The following EGFL7 variants were observed in gnomAD, a reference collection of about 807,000 sequenced individuals.
EGFL7 encodes epidermal growth factor-like protein 7.
A neutral mutation model predicts 37.1 loss-of-function variants in EGFL7; 48 were observed. That is an observed-to-expected ratio of 1.29 (90% CI 1.03 to 1.65). The LOEUF (loss-of-function observed/expected upper bound fraction) is 1.65, where lower values mean the gene tolerates loss of function less well. Among genes scored for constraint, EGFL7 ranks in the 40% most tolerant of loss-of-function variants. EGFL7 has a pLI of 0.00. For synonymous variants in EGFL7, 180 were observed against 156.8 expected (o/e 1.15, Z -1.10); for missense variants, 384 against 378.9 (o/e 1.01, Z -0.11).
upstream of EGFL7, among the ~76,000 whole-genome samples, chr9:136,661,132 C>A (rs575344913): frequency 3.5e-4 from 53 of 152,266 alleles, no homozygotes; most frequent in African/African-American, 1.3e-3. Context: ...AAGGCTTGGC[C>A]CGCTGGGGGC....
intron 8 of EGFL7, chr9:136,670,639 G>GTGACA: frequency 1.3e-6 from 1 of 772,726 alleles, no homozygotes; most frequent in Non-Finnish European, 2.4e-6. Context: ...GGTACGCGCT[G>GTGACA]TGACACTTCA....
intron 3 of EGFL7, among the ~76,000 whole-genome samples, chr9:136,667,925 G>A (rs531989256): frequency 6.6e-6 from 1 of 152,300 alleles, no homozygotes; most frequent in South Asian, 2.1e-4. Context: ...ACGGCCACCC[G>A]TAGCTGGAGC....
At chr9:136,667,177 C>A (rs1845533095) in intron 3 of EGFL7, among the ~76,000 whole-genome samples, 1 of 152,214 alleles carries the variant, frequency 6.6e-6, no homozygotes, top group Non-Finnish European at 1.5e-5. Flanking sequence ...GCTGTCAGAG[C>A]TGAGGAGGGG....
chr9:136,670,236 C>G lies in EGFL7; in HGVS notation c.477C>G (p.Tyr159Ter), dbSNP rs760569517. Reference protein sequence around the residue: ...PQRCVNTAGSYWCQCWEGHSL... With the variant: ...PQRCVNTAGS ...GCTGCGTCAACACCGCCGGCAGTTA[C>G]TGGTGCCAGTGTTGGGAGGGGCACA... The change falls in exon 8 of 11, where the codon TAC becomes TAG. Residue 159 changes from tyrosine (Y) to a stop codon, truncating the protein, a stop_gained. Coordinates refer to ENST00000308874, the MANE Select transcript of EGFL7 (RefSeq NM_016215.5). LOFTEE classifies it high-confidence loss of function. 1.9e-6 allele frequency: 3 copies of G among 1,612,606 alleles called. No individual in the cohort carries two copies. In the South Asian group the frequency reaches 3.3e-5, roughly 18 times the overall value.
chr9:136,670,045 G>T, intron 7 of EGFL7, 36 bp downstream of exon 7: 1 of 1,588,710 alleles, frequency 6.3e-7, no homozygotes. Context: ...CCCTGGAAGG[G>T]TCCTGGGCAC....
intron 3 of EGFL7, chr9:136,665,915 C>A (rs1040366315): frequency 2.1e-4 from 31 of 146,236 alleles, no homozygotes; most frequent in African/African-American, 7.3e-4. Context: ...GGGCGGGGAA[C>A]CTGGCCGCGC....
At chr9:136,667,121 G>C (rs1845529551) in intron 3 of EGFL7, among the ~76,000 whole-genome samples, 1 of 152,226 alleles carries the variant, frequency 6.6e-6, no homozygotes, top group African/African-American at 2.4e-5. Flanking sequence ...CACCCAGTGG[G>C]GCTGGCCAGC....
At position 136,668,552 on chromosome 9, in the gene EGFL7, C is replaced by G. The variant is rs200785608; in HGVS notation, c.81-5C>G. 6.8e-5 allele frequency: 109 copies of G among 1,607,804 alleles called. 2 individuals are homozygous for G. Among genetic ancestry groups the G allele is most frequent in the Admixed American group, 4.3e-4 (26 of 59,978 alleles). Reference sequence around the variant, plus strand: ...CCTGGGCTGACCCCCTCTCCACCCCCGCAGCCGTAGGGTGTGTGCTGTCCG... The same window carrying G: ...CCTGGGCTGACCCCCTCTCCACCCCGGCAGCCGTAGGGTGTGTGCTGTCCG... On this transcript the variant is annotated splice_polypyrimidine_tract_variant and splice_region_variant and intron_variant, in intron 4 of 10. Transcript: ENST00000308874.
chr9:136,671,805 G>A (rs1227416681), intron 9 of EGFL7, 121 bp from the exon 10 acceptor site: 3 of 1,315,808 alleles, frequency 2.3e-6, no homozygotes, highest in Non-Finnish European at 3.0e-6. Context: ...GACACTTGGA[G>A]CCCTGCCGCG....
chr9:136,667,340 C>A (rs555330523), intron 3 of EGFL7, among the ~76,000 whole-genome samples: 2 of 152,354 alleles, frequency 1.3e-5, no homozygotes, highest in Admixed American at 1.3e-4. Context: ...GGGAAGCACC[C>A]GTGAGAGGCC....
intron 2 of EGFL7, among the ~76,000 whole-genome samples, chr9:136,664,183 G>C (rs1175207382): frequency 6.6e-6 from 1 of 152,216 alleles, no homozygotes; most frequent in East Asian, 1.9e-4. Flanking sequence ...GACAGCAGCT[G>C]CTCTGGTCGT....
Position 136,671,021 on chromosome 9 carries a change from CATTGGTGGGGGGGGGGGGGGG to C in EGFL7, c.636+8_636+28del. On this transcript the variant is annotated splice_region_variant and intron_variant, in intron 9 of 10. Coordinates refer to ENST00000308874, the MANE Select transcript of EGFL7 (RefSeq NM_016215.5). ...GGTGGACCTGCTGGAGGAGGTGAGG[CATTGGTGGGGGGGGGGGGGGG>C]CAGGCAGTCCAGGGTGGACCTGCTG... 2.5e-6 allele frequency: 1 copy of C among 401,996 alleles called. No individual in the cohort carries two copies. Among genetic ancestry groups the C allele is most frequent in the Non-Finnish European group, 3.9e-6 (1 of 253,492 alleles). The allele number at this position is 401,996 out of a possible 1,614,324, so 24.9% of individuals were successfully genotyped here.
chr9:136,665,970 G>A (rs1250155175), intron 3 of EGFL7, among the ~76,000 whole-genome samples: 1 of 146,002 alleles, frequency 6.8e-6, no homozygotes, highest in African/African-American at 2.5e-5. Flanking sequence ...CGACCGCTGG[G>A]GCCGGGGGCG....
chr9:136,671,436 A>G (rs1435716543), intron 9 of EGFL7, among the ~76,000 whole-genome samples: 1 of 151,978 alleles, frequency 6.6e-6, no homozygotes, highest in African/African-American at 2.4e-5. Flanking sequence ...GTGGTCTGAA[A>G]AGGTCCTGGC....
At chr9:136,668,404 CG>C (rs1178387272) in intron 4 of EGFL7, 42 bp downstream of exon 4, 37 of 1,537,726 alleles carry the variant, frequency 2.4e-5, no homozygotes, top group Non-Finnish European at 3.2e-5. Context: ...GTGGGGGGAC[CG>C]GGAGCCCTCA....
At chr9:136,667,408 G>T (rs144010263) in intron 3 of EGFL7, among the ~76,000 whole-genome samples, 2 of 152,180 alleles carry the variant, frequency 1.3e-5, no homozygotes, top group Non-Finnish European at 2.9e-5. Flanking sequence ...CCCTGGCTGC[G>T]CATAGGACAG....
Position 136,672,092 on chromosome 9 carries a change from A to T in EGFL7, c.799+4A>T. 6.5e-7 allele frequency: 1 copy of T among 1,547,150 alleles called. No homozygotes were observed. Among genetic ancestry groups the T allele is most frequent in the Non-Finnish European group, 8.7e-7 (1 of 1,146,570 alleles). Reference sequence around the variant, plus strand: ...CTGGAGGAGCAGCTGGGGTCCTGTGAGTGCCCCCACCCTCCAGAGCCCTCC... The same window carrying T: ...CTGGAGGAGCAGCTGGGGTCCTGTGTGTGCCCCCACCCTCCAGAGCCCTCC... On this transcript the variant is annotated splice_donor_region_variant and intron_variant, in intron 10 of 10. Transcript: ENST00000308874.
chr9:136,670,543 T>G, intron 8 of EGFL7: 1 of 800,558 alleles, frequency 1.2e-6, no homozygotes. Flanking sequence ...AAGGCAGAAG[T>G]GCCCCGTCCC....
Position 136,670,203 on chromosome 9 carries a change from TC to T in EGFL7, c.448del (p.Gln150SerfsTer47). Reference sequence around the variant, plus strand: ...AATGCAGTGCTAGGAGGGGCGGCTGTCCCCAGCGCTGCGTCAACACCGCCGG... The same window carrying T: ...AATGCAGTGCTAGGAGGGGCGGCTGTCCCAGCGCTGCGTCAACACCGCCGG... ...DECSARRGGC[P>X]QRCVNTAGSY... is the part of the protein sequence containing the mutation. On this transcript the variant is annotated frameshift_variant, in exon 8 of 11. Transcript: ENST00000308874. LOFTEE classifies it high-confidence loss of function. 1 of 1,612,528 alleles carries T rather than the reference TC, an allele frequency of 6.2e-7. No homozygotes were observed. The highest frequency in any genetic ancestry group is 8.5e-7 in the Non-Finnish European group (1 of 1,179,796).
Sources: allele counts gnomAD v4.1 joint callset (sites outside exome capture counted in the v4.1 genomes callset), GRCh38; gene constraint gnomAD v4.1.1; transcripts MANE v1.5; gene names NCBI Gene and HGNC (gene_info 2026-07-23, HGNC 2026-07-21).